The following DPP10 variants were observed in gnomAD, a reference collection of about 807,000 sequenced individuals.
DPP10 encodes dipeptidyl peptidase like 10.
In DPP10, 33 loss-of-function variants were observed where a neutral mutation model predicts 120.9. The observed-to-expected ratio is 0.27, with a 90% CI of 0.21 to 0.37. DPP10 has a LOEUF of 0.37. Ranked by LOEUF, DPP10 falls within the 10% of genes least tolerant of loss-of-function variation. The pLI, the probability that DPP10 is intolerant of heterozygous loss-of-function variation, is 1.00. For synonymous variants in DPP10, 337 were observed against 326.1 expected (o/e 1.03, Z -0.36); for missense variants, 816 against 942.8 (o/e 0.87, Z 1.76).
At chr2:114,988,734 C>A (rs1320273630) in intron 1 of DPP10, among the ~76,000 whole-genome samples, 1 of 152,168 alleles carries the variant, frequency 6.6e-6, no homozygotes, top group Non-Finnish European at 1.5e-5. Context: ...GTGAAACGAG[C>A]ACATATGACC....
chr2:115,612,943 G>A (rs1352657086), intron 5 of DPP10, among the ~76,000 whole-genome samples: 1 of 151,830 alleles, frequency 6.6e-6, no homozygotes, highest in Non-Finnish European at 1.5e-5. Flanking sequence ...TTACCACTAG[G>A]CAGGGTTGAT....
intron 3 of DPP10, among the ~76,000 whole-genome samples, chr2:115,413,345 GCAAA>G (rs2069108775): frequency 6.6e-6 from 1 of 152,138 alleles, no homozygotes; most frequent in East Asian, 1.9e-4. Flanking sequence ...CAAAATGGAA[GCAAA>G]CAGAGACCAT....
chr2:115,566,289 T>A (rs959673828), intron 5 of DPP10, among the ~76,000 whole-genome samples: 1 of 152,136 alleles, frequency 6.6e-6, no homozygotes, highest in Non-Finnish European at 1.5e-5. Context: ...CGTTTTTTCC[T>A]AATGTTTGGC....
rs892661032 is a variant in DPP10 at position 114,870,898 on chromosome 2, T to C, written c.60+428060T>C. On this transcript the variant is annotated intron_variant, in intron 1 of 25. Transcript: ENST00000410059. ...TTAGCTGGGCCTGTTGTAGAACTTG[T>C]TGATTAAATGACTGGGAATCCTAAA... is the stretch of plus-strand genomic sequence containing the variant. 5.1e-5 allele frequency among the ~76,000 whole-genome samples: 7 copies of C among 135,972 alleles called. 2 individuals carry two copies. In the South Asian group the frequency reaches 1.6e-3, roughly 32 times the overall value. The allele number at this position is 135,972 out of a possible 152,430, so 89.2% of individuals were successfully genotyped here.
intron 11 of DPP10, among the ~76,000 whole-genome samples, chr2:115,756,780 A>T (rs1276602603): frequency 6.6e-6 from 1 of 151,986 alleles, no homozygotes; most frequent in Non-Finnish European, 1.5e-5. Flanking sequence ...AAACTTATTG[A>T]CTCACAGTTT....
chr2:114,490,757 G>C (rs1256885472), intron 1 of DPP10, among the ~76,000 whole-genome samples: 1 of 151,088 alleles, frequency 6.6e-6, no homozygotes, highest in Non-Finnish European at 1.5e-5. Context: ...TAAAAACTCT[G>C]AATTTTAGTT....
At chr2:114,784,806 C>T (rs1682631099) in intron 1 of DPP10, among the ~76,000 whole-genome samples, 1 of 152,154 alleles carries the variant, frequency 6.6e-6, no homozygotes, top group Non-Finnish European at 1.5e-5. Flanking sequence ...TTGCAGAAAG[C>T]AGTGTTTCCA....
At chr2:114,797,893 G>A (rs895068270) in intron 1 of DPP10, among the ~76,000 whole-genome samples, 1 of 152,114 alleles carries the variant, frequency 6.6e-6, no homozygotes, top group Non-Finnish European at 1.5e-5. Flanking sequence ...TTTTTATCGT[G>A]GAGAAACTAG....
intron 1 of DPP10, among the ~76,000 whole-genome samples, chr2:114,653,025 A>AGTGTGTGTGTGTGTGT (rs753807245): frequency 8.7e-4 from 103 of 118,900 alleles, no homozygotes; most frequent in African/African-American, 4.2e-3. Context: ...AGAGAGAGAG[A>AGTGTGTGTGTGTGTGT]GAGTGTGTGT....
chr2:115,654,531 T>A (rs545039122), intron 5 of DPP10, among the ~76,000 whole-genome samples: 1 of 152,008 alleles, frequency 6.6e-6, no homozygotes, highest in East Asian at 1.9e-4. Context: ...CAAATTGGCA[T>A]TGTGATTGCC....
chr2:115,642,467 A>C (rs747934197), intron 5 of DPP10, among the ~76,000 whole-genome samples: 13 of 152,170 alleles, frequency 8.5e-5, no homozygotes, highest in Non-Finnish European at 1.8e-4. Flanking sequence ...CTTGAACTGC[A>C]ATTCTTTTCC....
chr2:114,468,777 T>A (rs903819531), intron 1 of DPP10, among the ~76,000 whole-genome samples: 1 of 152,132 alleles, frequency 6.6e-6, no homozygotes, highest in East Asian at 1.9e-4. Flanking sequence ...GAAAATAATT[T>A]TGTGGGGATT....
Position 114,632,915 on chromosome 2 carries a change from G to T in DPP10, c.60+190077G>T, listed in dbSNP as rs574078974. Among the ~76,000 whole-genome samples the T allele has an allele frequency of 1.2e-3, 190 of 152,148 alleles. 1 individual carries two copies. Among genetic ancestry groups the T allele is most frequent in the African/African-American group, 4.2e-3 (176 of 41,490 alleles). The stretch of plus-strand genomic sequence containing the variant: ...TGACAAGGAATGTTCCTTCAGGCTG[G>T]CTCTTACATCCATTTTTGAGAGGCC... On this transcript the variant is annotated intron_variant, in intron 1 of 25. Transcript: ENST00000410059.
chr2:115,148,459 C>T (rs2051351141), intron 1 of DPP10, among the ~76,000 whole-genome samples: 1 of 152,084 alleles, frequency 6.6e-6, no homozygotes, highest in African/African-American at 2.4e-5. Context: ...ACAGTGTCTG[C>T]ATTCTGCTTT....
At chr2:114,873,998 T>A (rs1690931553) in intron 1 of DPP10, among the ~76,000 whole-genome samples, 1 of 152,168 alleles carries the variant, frequency 6.6e-6, no homozygotes, top group Non-Finnish European at 1.5e-5. Flanking sequence ...GACCACTGTG[T>A]TCAAGTTGGC....
At chr2:115,760,544 A>C (rs1679984098) in intron 11 of DPP10, among the ~76,000 whole-genome samples, 1 of 152,190 alleles carries the variant, frequency 6.6e-6, no homozygotes, top group African/African-American at 2.4e-5. Flanking sequence ...TATATGTGAA[A>C]AATTTAAAAC....
intron 5 of DPP10, among the ~76,000 whole-genome samples, chr2:115,604,846 A>C (rs956969405): frequency 2.6e-5 from 4 of 152,204 alleles, no homozygotes; most frequent in African/African-American, 9.6e-5. Context: ...TAGGTCATTT[A>C]AAGTCTGCAC....
chr2:115,151,284 G>A (rs1308917429), intron 1 of DPP10, among the ~76,000 whole-genome samples: 14 of 151,890 alleles, frequency 9.2e-5, no homozygotes, highest in Non-Finnish European at 1.8e-4. Context: ...ACATGCCCAA[G>A]TAATTCTTTT....
intron 3 of DPP10, among the ~76,000 whole-genome samples, chr2:115,362,606 A>G (rs1315329241): frequency 6.6e-6 from 1 of 152,224 alleles, no homozygotes; most frequent in Non-Finnish European, 1.5e-5. Flanking sequence ...TCATGTGATA[A>G]AGATATATTA....
Sources: gnomAD v4.1 joint callset for allele counts (sites outside exome capture counted in the v4.1 genomes callset) on GRCh38, gnomAD v4.1.1 for gene constraint, MANE v1.5 for transcripts, NCBI Gene and HGNC (gene_info 2026-07-23, HGNC 2026-07-21) for gene names.